The following ODAD2 variants were observed in gnomAD, a reference collection of about 807,000 sequenced individuals.
ODAD2 encodes outer dynein arm docking complex subunit 2.
In ODAD2, 89 loss-of-function variants were observed where a neutral mutation model predicts 106.8. The observed-to-expected ratio is 0.83, with a 90% CI of 0.70 to 0.99. ODAD2 has a LOEUF of 0.99. Ranked by LOEUF, ODAD2 falls within the 50% of genes least tolerant of loss-of-function variation. The pLI, the probability that ODAD2 is intolerant of heterozygous loss-of-function variation, is 0.00. For synonymous variants in ODAD2, 404 were observed against 436.2 expected, an observed-to-expected ratio of 0.93 and a Z score of 0.92; for missense variants, 1,168 against 1,238.5, an observed-to-expected ratio of 0.94 and a Z score of 0.85.
intron 19 of ODAD2, among the ~76,000 whole-genome samples, chr10:27,820,746 G>A (rs547189983): frequency 1.4e-5 from 2 of 145,278 alleles, no homozygotes; most frequent in East Asian, 4.0e-4. Context: ...TTAAATTTTA[G>A]CTTAACAATT....
In ODAD2 at chr10:27,862,652, C is replaced by G; in HGVS notation, c.2611-30G>C. On this transcript the variant is annotated intron_variant, in intron 17 of 19. Transcript: ENST00000305242. ...ACAAAAATAAAAGTAAAGATGGTAT[C>G]AAAACTAAACCTACATTTAGGCATT... 2.6e-6 allele frequency: 4 copies of G among 1,539,660 alleles called. No individual in the cohort carries two copies. The South Asian group carries it at 3.8e-5, about 14-fold the overall frequency.
chr10:27,960,924 G>A (rs1164476608), intron 10 of ODAD2, among the ~76,000 whole-genome samples: 2 of 152,142 alleles, frequency 1.3e-5, no homozygotes, highest in Non-Finnish European at 2.9e-5. Context: ...ATATTAAGCT[G>A]GGTTTTGGTG....
intron 7 of ODAD2, among the ~76,000 whole-genome samples, chr10:27,973,733 G>A (rs767751007): frequency 6.6e-6 from 1 of 152,152 alleles, no homozygotes; most frequent in Non-Finnish European, 1.5e-5. Context: ...TGCGAATAGT[G>A]CTGCAATGAA....
At chr10:27,821,060 G>A (rs892743458) in intron 19 of ODAD2, among the ~76,000 whole-genome samples, 4 of 152,122 alleles carry the variant, frequency 2.6e-5, no homozygotes, top group South Asian at 4.1e-4. Flanking sequence ...GATTATAGGC[G>A]TGAGCCACCG....
chr10:27,850,361 C>T lies in ODAD2; in HGVS notation c.3021+10264G>A, dbSNP rs573017088. Among the ~76,000 whole-genome samples, 23 of 145,448 alleles carry T rather than the reference C, an allele frequency of 1.6e-4. No individual in the cohort carries two copies. The South Asian group carries it at 2.0e-3, about 12-fold the overall frequency. On this transcript the variant is annotated intron_variant, in intron 19 of 19. Transcript: ENST00000305242. Reference sequence around the variant, plus strand: ...TCTGGAGGCTGAGGCAGGAGAATGGCGTGAACCTGGGAGGCAGAGCTTGCA... The same window carrying T: ...TCTGGAGGCTGAGGCAGGAGAATGGTGTGAACCTGGGAGGCAGAGCTTGCA...
chr10:27,987,691 C>T lies in ODAD2; in HGVS notation c.225-148G>A. On this transcript the variant is annotated intron_variant, in intron 2 of 19. Transcript: ENST00000305242. ...ATCTGGTTAGTAGCTCATCTGTTTTCCCACTTTCTTCCACACTCAAACTCT... is the reference window on the plus strand; with the variant it reads ...ATCTGGTTAGTAGCTCATCTGTTTTTCCACTTTCTTCCACACTCAAACTCT... The T allele has an allele frequency of 5.7e-6, 3 of 529,398 alleles. No homozygotes were observed. In the South Asian group the frequency reaches 1.4e-4, roughly 25 times the overall value. 32.8% of individuals were successfully genotyped at this position (529,398 alleles called of 1,614,324 possible).
At chr10:27,913,531 C>T (rs1844154069) in intron 16 of ODAD2, among the ~76,000 whole-genome samples, 3 of 152,080 alleles carry the variant, frequency 2.0e-5, no homozygotes, top group Admixed American at 2.0e-4. Context: ...AAGAAACTAT[C>T]CACACAGTAA....
At position 27,984,216 on chromosome 10, in the gene ODAD2, T is replaced by C. The variant is rs1340567058; in HGVS notation, c.650A>G (p.Gln217Arg). The change falls in exon 5 of 20, where the codon CAA (glutamine) becomes CGA (arginine). Residue 217 changes from glutamine (Q) to arginine (R), a missense_variant. Physicochemically the swap from Gln to Arg is conservative, Grantham distance 43. Transcript: ENST00000305242. ...ATATTCAATAGATTCCAAGACTGTT[T>C]GGTTTCCTTTTCCTGAGAAACGTTT... ...LLKRFSGKGN[Q>R]TVLESIEYTS... is the part of the protein sequence containing the mutation. The C allele has an allele frequency of 6.2e-7, 1 of 1,613,544 alleles. No homozygotes were observed. The highest frequency in any genetic ancestry group is 1.3e-5 in the African/African-American group (1 of 74,920).
chr10:27,913,428 C>T (rs928538648), intron 16 of ODAD2, among the ~76,000 whole-genome samples: 4 of 151,970 alleles, frequency 2.6e-5, no homozygotes, highest in African/African-American at 9.7e-5. Flanking sequence ...TAATGTTCTC[C>T]AGCTCTATGC....
chr10:27,876,523 C>A (rs1047414737), intron 17 of ODAD2, among the ~76,000 whole-genome samples: 1 of 152,204 alleles, frequency 6.6e-6, no homozygotes, highest in African/African-American at 2.4e-5. Flanking sequence ...CTGTTATTTT[C>A]TTTACTGGGA....
intron 10 of ODAD2, chr10:27,957,110 C>G (rs980525363): frequency 1.3e-5 from 2 of 152,084 alleles, no homozygotes; most frequent in African/African-American, 4.8e-5. Flanking sequence ...ATTTTCCTTG[C>G]AAGATTTTAA....
At chr10:27,866,354 A>G (rs2133379555) in intron 17 of ODAD2, among the ~76,000 whole-genome samples, 1 of 152,294 alleles carries the variant, frequency 6.6e-6, no homozygotes, top group Admixed American at 6.5e-5. Flanking sequence ...CCCTCACAAT[A>G]TTGTGATTTG....
intron 10 of ODAD2, among the ~76,000 whole-genome samples, chr10:27,948,159 T>TC (rs991433917): frequency 1.3e-5 from 2 of 152,198 alleles, no homozygotes; most frequent in African/African-American, 4.8e-5. Context: ...ACAGTTATCA[T>TC]CAAGAAGTTA....
chr10:27,999,298 A>C (rs1850740724), upstream of ODAD2, among the ~76,000 whole-genome samples: 1 of 152,308 alleles, frequency 6.6e-6, no homozygotes, highest in East Asian at 1.9e-4. Context: ...TGGAGCAGAA[A>C]GGAAGCAGAA....
chr10:27,953,855 G>A (rs1221696391), intron 10 of ODAD2, among the ~76,000 whole-genome samples: 3 of 152,058 alleles, frequency 2.0e-5, no homozygotes, highest in Non-Finnish European at 4.4e-5. Flanking sequence ...TAAGGGAAAC[G>A]GGAAGAATAC....
intron 13 of ODAD2, 94 bp downstream of exon 13, chr10:27,940,469 A>T (rs1307763902): frequency 2.1e-6 from 3 of 1,450,108 alleles, no homozygotes; most frequent in Non-Finnish European, 2.8e-6. Context: ...TAGAAAAAGA[A>T]TGTCCTTGAG....
chr10:27,977,006 T>G (rs756768231), intron 7 of ODAD2, among the ~76,000 whole-genome samples: 1 of 152,122 alleles, frequency 6.6e-6, no homozygotes, highest in Non-Finnish European at 1.5e-5. Context: ...GATTTACTTT[T>G]GACAAATGAT....
chr10:27,907,924 G>A, intron 16 of ODAD2, 147 bp from the exon 17 acceptor site: 2 of 577,646 alleles, frequency 3.5e-6, no homozygotes, highest in African/African-American at 1.9e-5. Context: ...TCAACAGTAG[G>A]GAGATAACAT....
chr10:27,909,360 C>T (rs60775313), intron 16 of ODAD2, among the ~76,000 whole-genome samples: 2,553 of 152,206 alleles, frequency 0.017, 57 homozygotes, highest in African/African-American at 0.05. Context: ...TCACAATTAA[C>T]TTTAAAACAA....
Sources: gnomAD v4.1 joint callset for allele counts (sites outside exome capture counted in the v4.1 genomes callset) on GRCh38, gnomAD v4.1.1 for gene constraint, MANE v1.5 for transcripts, NCBI Gene and HGNC (gene_info 2026-07-23, HGNC 2026-07-21) for gene names.